DNAH10: variants seen among roughly 807,000 people sequenced by gnomAD.
The protein encoded by DNAH10 is dynein axonemal heavy chain 10.
Under a neutral mutation model 506.6 loss-of-function variants are expected in DNAH10, and 348 were observed. The ratio of observed to expected loss-of-function variants is 0.69; its 90% CI spans 0.63 to 0.75. The LOEUF (loss-of-function observed/expected upper bound fraction) is 0.75, where lower values mean the gene tolerates loss of function less well. Ranked by LOEUF, DNAH10 falls within the 30% of genes least tolerant of loss-of-function variation. DNAH10 has a pLI of 0.00. For missense variants in DNAH10, 5,179 were observed against 5,787.1 expected, an observed-to-expected ratio of 0.89 and a Z score of 3.41; for synonymous variants, 2,059 against 2,198.6, an observed-to-expected ratio of 0.94 and a Z score of 1.78.
At position 123,902,520 on chromosome 12, in the gene DNAH10, T is replaced by G. The variant is rs942346232; in HGVS notation, c.9641-419T>G. 3.3e-5 allele frequency among the ~76,000 whole-genome samples: 5 copies of G among 152,078 alleles called. No individual in the cohort carries two copies. The highest frequency in any genetic ancestry group is 4.8e-5 in the African/African-American group (2 of 41,408). ...GAGGACGACAGAGGGGCAGGCTCCT[T>G]AGAGGGTGGCTCTGGCTGGGCCCGA... On this transcript the variant is annotated intron_variant, in intron 56 of 78. Coordinates refer to ENST00000673944, the MANE Select transcript of DNAH10 (RefSeq NM_001372106.1). The surrounding 1 kb of genome is among the most constrained non-coding windows in gnomAD (Gnocchi z 4.5).
At chr12:123,874,232 C>T (rs1400040108) in intron 46 of DNAH10, among the ~76,000 whole-genome samples, 1 of 152,018 alleles carries the variant, frequency 6.6e-6, no homozygotes, top group Non-Finnish European at 1.5e-5. Context: ...AGTCTATTTC[C>T]AGAAGGACTG....
At chr12:123,847,483 G>C (rs1225564674) in intron 32 of DNAH10, among the ~76,000 whole-genome samples, 1 of 152,162 alleles carries the variant, frequency 6.6e-6, no homozygotes, top group Non-Finnish European at 1.5e-5. Flanking sequence ...CTGACAGTGA[G>C]AGAGCCAATA....
rs550711197 is a variant in DNAH10, at chr12:123,798,763, T to C, written c.2164-483T>C. 1.7e-3 allele frequency among the ~76,000 whole-genome samples: 254 copies of C among 148,398 alleles called. 2 individuals carry two copies. Among genetic ancestry groups the C allele is most frequent in the African/African-American group, 5.9e-3 (240 of 40,962 alleles). On this transcript the variant is annotated intron_variant, in intron 13 of 78. Coordinates refer to ENST00000673944, the MANE Select transcript of DNAH10 (RefSeq NM_001372106.1). ...ATTTTTATTTATTATATTTATAATGTATGTATACAAAATTATGTAGAAAGA... is the reference window on the plus strand; with the variant it reads ...ATTTTTATTTATTATATTTATAATGCATGTATACAAAATTATGTAGAAAGA...
At chr12:123,863,429 T>G (rs992618245) in intron 39 of DNAH10, among the ~76,000 whole-genome samples, 4 of 152,154 alleles carry the variant, frequency 2.6e-5, no homozygotes, top group African/African-American at 7.2e-5. Context: ...AACAAATAAC[T>G]GGGTGGCTTG....
chr12:123,879,484 G>C, intron 49 of DNAH10, 127 bp downstream of exon 49: 1 of 1,426,684 alleles, frequency 7.0e-7, no homozygotes, highest in Non-Finnish European at 9.5e-7. Context: ...GGGCAAAGGA[G>C]GGTGGGTGGG....
At chr12:123,854,986 CCA>C (rs1175428515) in intron 36 of DNAH10, among the ~76,000 whole-genome samples, 1 of 152,168 alleles carries the variant, frequency 6.6e-6, no homozygotes. Flanking sequence ...TTCACAAATA[CCA>C]CCACCTCAGC....
At chr12:123,864,141 T>TC (rs1951709144) in intron 39 of DNAH10, among the ~76,000 whole-genome samples, 1 of 134,458 alleles carries the variant, frequency 7.4e-6, no homozygotes, top group Non-Finnish European at 1.6e-5. Flanking sequence ...AAACTTTTTT[T>TC]TCTTTTTTTT....
Position 123,813,341 on chromosome 12 carries a change from C to T in DNAH10, c.3322C>T (p.Leu1108=). The change falls in exon 20 of 79, where the codon CTA becomes TTA. Residue 1108 remains leucine, a synonymous_variant. Coordinates refer to ENST00000673944, the MANE Select transcript of DNAH10 (RefSeq NM_001372106.1). Reference sequence around the variant, plus strand: ...GATTCTGATCAATCTTATGAAGTATCTACAAAAATGGAAGCGGTATCGACC... The same window carrying T: ...GATTCTGATCAATCTTATGAAGTATTTACAAAAATGGAAGCGGTATCGACC... ...HRILINLMKY[L]QKWKRYRPLW... 2 of 1,614,200 alleles carry T rather than the reference C, an allele frequency of 1.2e-6. No homozygotes were observed. Among genetic ancestry groups the T allele is most frequent in the Non-Finnish European group, 1.7e-6 (2 of 1,180,046 alleles).
chr12:123,814,806 A>T (rs1041394497), intron 21 of DNAH10, among the ~76,000 whole-genome samples: 5 of 151,918 alleles, frequency 3.3e-5, no homozygotes, highest in Non-Finnish European at 7.4e-5. Flanking sequence ...TTTAGTAGAG[A>T]CAGGGTTTTA....
In DNAH10 at chr12:123,870,447, A is replaced by G; in HGVS notation, c.7601A>G (p.Tyr2534Cys). ...WVPWSKLVPEYIHAPERKFIN... is the reference protein window; with the variant it reads ...WVPWSKLVPECIHAPERKFIN... The stretch of plus-strand genomic sequence containing the variant: ...CCATGGAGTAAATTAGTTCCAGAGT[A>G]TATTCATGCCCCCGAGAGGAAATTC... Residue 2534 changes from tyrosine to cysteine, a missense_variant, in exon 44 of 79, where the codon TAT becomes TGT. Physicochemically the swap from Tyr to Cys is radical, Grantham distance 194. Transcript: ENST00000673944. 1 of 1,613,926 alleles carries G rather than the reference A, an allele frequency of 6.2e-7. No homozygotes were observed.
Position 123,875,506 on chromosome 12 carries a change from A to G in DNAH10, c.8199+15A>G. 1 of 1,612,830 alleles carries G rather than the reference A, an allele frequency of 6.2e-7. No individual in the cohort carries two copies. The highest frequency in any genetic ancestry group is 1.1e-5 in the South Asian group (1 of 91,076). Reference sequence around the variant, plus strand: ...GCCACACCTCGGTAACTTGATTTTAACTAGAAGTCTAAACCGGAAGACCTT... The same window carrying G: ...GCCACACCTCGGTAACTTGATTTTAGCTAGAAGTCTAAACCGGAAGACCTT... On this transcript the variant is annotated intron_variant, in intron 47 of 78. Transcript: ENST00000673944.
chr12:123,867,929 T>A lies in DNAH10; in HGVS notation c.7329T>A (p.Asp2443Glu). The A allele has an allele frequency of 6.2e-7, 1 of 1,613,804 alleles. No homozygotes were observed. Among genetic ancestry groups the A allele is most frequent in the Non-Finnish European group, 8.5e-7 (1 of 1,179,800 alleles). Residue 2443 changes from aspartate to glutamate, a missense_variant, in exon 43 of 79, where the codon GAT becomes GAA. By Grantham distance (45) the Asp-to-Glu change is conservative (BLOSUM62 2). Transcript: ENST00000673944. ...NMVTQLAKML[D>E]ALLEGEIEDL... ...TAACCCAGTTAGCCAAGATGTTGGATGCGTTGCTAGAAGGAGAAATAGAAG... is the reference window on the plus strand; with the variant it reads ...TAACCCAGTTAGCCAAGATGTTGGAAGCGTTGCTAGAAGGAGAAATAGAAG...
chr12:123,777,629 CTTAT>C (rs993198983), intron 5 of DNAH10, among the ~76,000 whole-genome samples: 2 of 152,290 alleles, frequency 1.3e-5, no homozygotes, highest in South Asian at 2.1e-4. Flanking sequence ...TGGCTACCTT[CTTAT>C]TTATTTATTT....
intron 29 of DNAH10, 28 bp downstream of exon 29, chr12:123,838,717 C>T (rs1444115868): frequency 6.3e-7 from 1 of 1,597,074 alleles, no homozygotes; most frequent in Non-Finnish European, 8.6e-7. Flanking sequence ...GCAGGGGCTC[C>T]CCGTGTAAGC....
In DNAH10 at chr12:123,928,311, G is replaced by C; in HGVS notation, c.12106-76G>C. Reference sequence around the variant, plus strand: ...GAGCTGCCATCGCCCTTCTGTGGGTGTGGAGTGGGTCTCTGGAGAGCACGG... The same window carrying C: ...GAGCTGCCATCGCCCTTCTGTGGGTCTGGAGTGGGTCTCTGGAGAGCACGG... On this transcript the variant is annotated intron_variant, in intron 69 of 78. Transcript: ENST00000673944. The surrounding 1 kb of genome is among the most constrained non-coding windows in gnomAD (Gnocchi z 4.9). 6.7e-7 allele frequency: 1 copy of C among 1,482,628 alleles called. No individual in the cohort carries two copies. The highest frequency in any genetic ancestry group is 9.1e-7 in the Non-Finnish European group (1 of 1,100,730). The allele number at this position is 1,482,628 out of a possible 1,614,324, so 91.8% of individuals were successfully genotyped here.
chr12:123,774,338 G>A (rs745908272), intron 5 of DNAH10, 74 bp downstream of exon 5: 11 of 1,195,464 alleles, frequency 9.2e-6, no homozygotes, highest in Non-Finnish European at 1.3e-5. Flanking sequence ...TCCACAAATA[G>A]GTAGCGGGCA....
In DNAH10 at chr12:123,762,351, G is replaced by T; in HGVS notation, c.15G>T (p.Arg5=). 7.4e-7 allele frequency: 1 copy of T among 1,351,676 alleles called. No homozygotes were observed. The highest frequency in any genetic ancestry group is 9.5e-7 in the Non-Finnish European group (1 of 1,049,580). The allele number at this position is 1,351,676 out of a possible 1,614,324, so 83.7% of individuals were successfully genotyped here. A position where few individuals can be genotyped will look rare whatever the true frequency, so the allele number is the denominator to read the frequency against. The change falls in exon 1 of 79, where the codon CGG becomes CGT. Residue 5 remains arginine, a synonymous_variant. Coordinates refer to ENST00000673944, the MANE Select transcript of DNAH10 (RefSeq NM_001372106.1). The surrounding 1 kb of genome is among the most constrained non-coding windows in gnomAD (Gnocchi z 5.0). ...TGCGCGGCGCCATGGACGACCTGCGGGTGCTGTGGATGCGCGACCGCGTGT... is the reference window on the plus strand; with the variant it reads ...TGCGCGGCGCCATGGACGACCTGCGTGTGCTGTGGATGCGCGACCGCGTGT... MDDL[R]VLWMRDRVYA... is the part of the protein sequence containing the mutation.
Position 123,845,793 on chromosome 12 carries a change from GA to G in DNAH10, c.5555del (p.Asp1852AlafsTer18). On this transcript the variant is annotated frameshift_variant, in exon 31 of 79. Transcript: ENST00000673944. LOFTEE classifies it high-confidence loss of function. ...TRITMPLSKN[D>X]RKKYNTVLII... ...CATCACCATGCCGCTAAGCAAAAAC[GA>G]CAGGAAAAAATACAACACTGTTCTC... The G allele has an allele frequency of 6.2e-7, 1 of 1,613,972 alleles. No homozygotes were observed.
Position 123,935,394 on chromosome 12 carries a change from C to T in DNAH10, c.13683C>T (p.Gly4561=), listed in dbSNP as rs1469306259. Residue 4561 remains glycine (G), a synonymous_variant, in exon 79 of 79, where the codon GGC becomes GGT. Transcript: ENST00000673944. ...TSMRRNAMGV[G]LVFEADLFTT... ...TGAGAAGGAACGCCATGGGAGTCGG[C>T]TTGGTTTTTGAAGCTGATCTCTTTA... 1.9e-6 allele frequency: 3 copies of T among 1,611,970 alleles called. No individual in the cohort carries two copies. The highest frequency in any genetic ancestry group is 2.5e-6 in the Non-Finnish European group (3 of 1,178,126).
Sources: allele counts gnomAD v4.1 joint callset (sites outside exome capture counted in the v4.1 genomes callset), GRCh38; gene constraint gnomAD v4.1.1; non-coding constraint Gnocchi (gnomAD v3.1); transcripts MANE v1.5; gene names NCBI Gene and HGNC (gene_info 2026-07-23, HGNC 2026-07-21).